Variants in FSTL4 observed in about 807,000 individuals in gnomAD.
FSTL4 encodes the protein follistatin like 4.
FSTL4 carries 28 observed loss-of-function variants against 78.2 expected under a neutral mutation model. That is an observed-to-expected ratio of 0.36 (90% CI 0.27 to 0.49). The LOEUF is 0.49. Among genes scored for constraint, FSTL4 ranks in the 20% least tolerant of loss-of-function variants. FSTL4 has a pLI of 0.98. For synonymous variants in FSTL4, 422 were observed against 440.5 expected (o/e 0.96, Z 0.53); for missense variants, 922 against 1,084.9 (o/e 0.85, Z 2.11).
At chr5:133,382,466 A>T (rs1479660639) in intron 4 of FSTL4, among the ~76,000 whole-genome samples, 5 of 152,012 alleles carry the variant, frequency 3.3e-5, no homozygotes, top group Non-Finnish European at 5.9e-5. Context: ...TCCTCCTCTC[A>T]CTTTAAACTG....
At chr5:133,818,165 A>G in the FSTL4 span, among the ~76,000 whole-genome samples, 8 of 152,182 alleles carry the variant, frequency 5.3e-5, no homozygotes, top group African/African-American at 1.4e-4. Context: ...ATCTTACCTC[A>G]TCACAGCCCT....
chr5:133,713,358 A>G, the FSTL4 span, among the ~76,000 whole-genome samples: 1 of 152,220 alleles, frequency 6.6e-6, no homozygotes, highest in African/African-American at 2.4e-5. Flanking sequence ...TAGGAAGGAA[A>G]TAGCTCAGGA....
chr5:133,220,982 G>A lies in FSTL4; in HGVS notation c.1340-116C>T, dbSNP rs779400695. The A allele has an allele frequency of 2.9e-5, 22 of 771,600 alleles. No individual in the cohort carries two copies. In the East Asian group the frequency reaches 2.9e-4, roughly 10 times the overall value. 47.8% of individuals were successfully genotyped at this position (771,600 alleles called of 1,614,324 possible). The stretch of plus-strand genomic sequence containing the variant: ...ACGTGGATGCATCTGGTGCAGGCAC[G>A]AGATGCAATTCCTGGTCAGGGTGGG... On this transcript the variant is annotated intron_variant, in intron 11 of 15. Transcript: ENST00000265342.
chr5:133,523,095 C>A (rs556637111), intron 3 of FSTL4, among the ~76,000 whole-genome samples: 2 of 151,326 alleles, frequency 1.3e-5, no homozygotes, highest in African/African-American at 4.9e-5. Context: ...GTCAGGAGGG[C>A]AGGGCTCAAA....
At chr5:133,718,449 T>C in the FSTL4 span, among the ~76,000 whole-genome samples, 1 of 152,230 alleles carries the variant, frequency 6.6e-6, no homozygotes, top group African/African-American at 2.4e-5. Context: ...TTTTTACTCA[T>C]GCATAGGTCT....
intron 3 of FSTL4, among the ~76,000 whole-genome samples, chr5:133,418,760 T>C (rs1042070598): frequency 2.6e-5 from 4 of 152,196 alleles, no homozygotes; most frequent in Admixed American, 1.3e-4. Flanking sequence ...TGAAGTATAA[T>C]TGACAATTAA....
intron 14 of FSTL4, among the ~76,000 whole-genome samples, chr5:133,204,223 G>C (rs1237706428): frequency 6.6e-6 from 1 of 152,220 alleles, no homozygotes; most frequent in East Asian, 1.9e-4. Flanking sequence ...GTGGGCCAGA[G>C]AGTGCTGGGC....
At chr5:133,546,441 G>C (rs1023039386) in intron 3 of FSTL4, among the ~76,000 whole-genome samples, 1 of 148,860 alleles carries the variant, frequency 6.7e-6, no homozygotes, top group African/African-American at 2.5e-5. Flanking sequence ...AGGAGACGGA[G>C]GTTGCAGTGA....
chr5:133,816,859 C>G, the FSTL4 span, among the ~76,000 whole-genome samples: 1 of 152,220 alleles, frequency 6.6e-6, no homozygotes, highest in Admixed American at 6.5e-5. Flanking sequence ...CCAGGTGGCC[C>G]CAGGGAGGGC....
At chr5:133,635,797 T>C in the FSTL4 span, among the ~76,000 whole-genome samples, 4 of 152,282 alleles carry the variant, frequency 2.6e-5, no homozygotes, top group African/African-American at 9.6e-5. Context: ...AAAACTGCCT[T>C]GGCTCCTACT....
chr5:133,608,804 C>T (rs1310588664), intron 1 of FSTL4, among the ~76,000 whole-genome samples: 1 of 152,132 alleles, frequency 6.6e-6, no homozygotes, highest in East Asian at 1.9e-4. Context: ...GCTGAAAAAG[C>T]ATGAAATAGG....
At chr5:133,468,066 A>C (rs1161979338) in intron 3 of FSTL4, among the ~76,000 whole-genome samples, 2 of 152,160 alleles carry the variant, frequency 1.3e-5, no homozygotes, top group Admixed American at 6.5e-5. Context: ...GCCTCTCAGC[A>C]AGGGGAAGGT....
intron 3 of FSTL4, among the ~76,000 whole-genome samples, chr5:133,444,008 C>CCTT (rs1420422395): frequency 6.6e-6 from 1 of 152,190 alleles, no homozygotes; most frequent in Non-Finnish European, 1.5e-5. Flanking sequence ...CTACACACCC[C>CCTT]CTTCTTTTCC....
intron 3 of FSTL4, among the ~76,000 whole-genome samples, chr5:133,422,225 C>T (rs574423512): frequency 6.6e-6 from 1 of 152,162 alleles, no homozygotes; most frequent in South Asian, 2.1e-4. Context: ...CTGGCTGTGT[C>T]CTAAGTGTAG....
In FSTL4 at chr5:133,534,546, T is replaced by C. The variant is rs147259438; in HGVS notation, c.160+32640A>G. On this transcript the variant is annotated intron_variant, in intron 3 of 15. Coordinates refer to ENST00000265342, the MANE Select transcript of FSTL4 (RefSeq NM_015082.2). ...GCCCTCCATGTGCCCATGATGACTA[T>C]TATTGTGGAACCATTAAATTCAGAA... is the stretch of plus-strand genomic sequence containing the variant. Among the ~76,000 whole-genome samples, 309 of 152,328 alleles carry C rather than the reference T, an allele frequency of 2.0e-3. 1 individual carries two copies. The highest frequency in any genetic ancestry group is 7.2e-3 in the African/African-American group (300 of 41,566).
At chr5:133,414,797 C>T (rs1231787712) in intron 3 of FSTL4, among the ~76,000 whole-genome samples, 1 of 152,178 alleles carries the variant, frequency 6.6e-6, no homozygotes, top group African/African-American at 2.4e-5. Context: ...AAGAACAATT[C>T]CTATTGCAGA....
the FSTL4 span, among the ~76,000 whole-genome samples, chr5:133,797,111 A>G: frequency 6.6e-6 from 1 of 152,200 alleles, no homozygotes; most frequent in Non-Finnish European, 1.5e-5. Flanking sequence ...GCAAAATACA[A>G]TCCCCAGAGG....
At chr5:133,362,938 CTTAAGT>C (rs1305319881) in intron 4 of FSTL4, among the ~76,000 whole-genome samples, 1 of 151,822 alleles carries the variant, frequency 6.6e-6, no homozygotes, top group African/African-American at 2.4e-5. Flanking sequence ...TCTATTTCAT[CTTAAGT>C]TTAATATCTG....
chr5:133,686,167 T>C, the FSTL4 span, among the ~76,000 whole-genome samples: 4 of 152,222 alleles, frequency 2.6e-5, no homozygotes, highest in African/African-American at 9.6e-5. Context: ...TGGCCCTTAC[T>C]GGCCTTGGGA....
Sources: allele counts gnomAD v4.1 joint callset (sites outside exome capture counted in the v4.1 genomes callset), GRCh38; gene constraint gnomAD v4.1.1; transcripts MANE v1.5; gene names NCBI Gene and HGNC (gene_info 2026-07-23, HGNC 2026-07-21).